Variants in MAP7D2 observed in about 807,000 individuals in gnomAD.
The protein encoded by MAP7D2 is MAP7 domain containing 2.
In MAP7D2, 33 loss-of-function variants were observed where a neutral mutation model predicts 63.5. The ratio of observed to expected loss-of-function variants is 0.52; its 90% confidence interval spans 0.39 to 0.70. The LOEUF is 0.70. Ranked by LOEUF, MAP7D2 falls within the 30% of genes least tolerant of loss-of-function variation. The pLI, the probability that MAP7D2 is intolerant of heterozygous loss-of-function variation, is 0.00. For synonymous variants in MAP7D2, 224 were observed against 223.7 expected, an observed-to-expected ratio of 1.00 and a Z score of -0.01; for missense variants, 626 against 604.0, an observed-to-expected ratio of 1.04 and a Z score of -0.38.
intron 1 of MAP7D2, among the ~76,000 whole-genome samples, chrX:20,096,840 C>T (rs1004135008): frequency 3.6e-5 from 4 of 112,268 alleles, no homozygotes; most frequent in Non-Finnish European, 5.6e-5. Flanking sequence ...TCCACACTTG[C>T]TATCTACTTC....
At chrX:20,008,973 G>T (rs1472464203) in intron 16 of MAP7D2, among the ~76,000 whole-genome samples, 1 of 111,908 alleles carries the variant, frequency 8.9e-6, no homozygotes, top group Admixed American at 9.5e-5. Flanking sequence ...TAATTTTAAA[G>T]TCAAAGTATG....
At chrX:20,087,921 C>T (rs1051435679) in intron 1 of MAP7D2, among the ~76,000 whole-genome samples, 9 of 81,311 alleles carry the variant, frequency 1.1e-4, no homozygotes, top group Non-Finnish European at 1.8e-4. Flanking sequence ...GACGGAGTCT[C>T]ACACTGTCAC....
At chrX:20,020,094 T>A (rs963817533) in intron 10 of MAP7D2, among the ~76,000 whole-genome samples, 3 of 112,030 alleles carry the variant, frequency 2.7e-5, no homozygotes, top group African/African-American at 9.7e-5. Flanking sequence ...CAGAGAAGAC[T>A]GAGGCCACCT....
intron 10 of MAP7D2, among the ~76,000 whole-genome samples, chrX:20,018,751 C>T (rs1220945660): frequency 9.0e-6 from 1 of 110,814 alleles, no homozygotes; most frequent in Non-Finnish European, 1.9e-5. Flanking sequence ...CCCCTTCATC[C>T]TCTTATATAC....
chrX:20,031,506 C>T (rs1180222114), intron 8 of MAP7D2, among the ~76,000 whole-genome samples: 1 of 110,060 alleles, frequency 9.1e-6, no homozygotes, highest in Non-Finnish European at 1.9e-5. Context: ...TGGCTCATGC[C>T]TGTACTCCCA....
chrX:20,091,052 CT>C (rs1280083347), intron 1 of MAP7D2, among the ~76,000 whole-genome samples: 130 of 91,904 alleles, frequency 1.4e-3, no homozygotes, highest in African/African-American at 1.7e-3. Flanking sequence ...GTGGAACACT[CT>C]TTTTTTTTTT....
At chrX:20,015,199 G>T (rs369296899) in intron 12 of MAP7D2, 24 bp downstream of exon 12, 11 of 1,118,656 alleles carry the variant, frequency 9.8e-6, no homozygotes, top group Admixed American at 6.6e-5. Context: ...CTTACCCTAG[G>T]TCTTCCTGAC....
intron 8 of MAP7D2, among the ~76,000 whole-genome samples, chrX:20,035,617 G>A (rs975286562): frequency 3.6e-5 from 4 of 111,295 alleles, no homozygotes; most frequent in African/African-American, 6.6e-5. Flanking sequence ...TTGGCCAGGC[G>A]TGGTTGCTCA....
intron 1 of MAP7D2, among the ~76,000 whole-genome samples, chrX:20,077,363 G>T (rs2065672233): frequency 9.0e-6 from 1 of 111,378 alleles, no homozygotes; most frequent in African/African-American, 3.3e-5. Flanking sequence ...TGAGGCACGA[G>T]AATTGCTTGA....
At position 20,116,306 on chromosome X, in the gene MAP7D2, C is replaced by T. The variant is rs981641175; in HGVS notation, c.130+444G>A. Among the ~76,000 whole-genome samples the T allele has an allele frequency of 1.8e-5, 2 of 113,196 alleles. 1 individual carries two copies. Among genetic ancestry groups the T allele is most frequent in the African/African-American group, 6.4e-5 (2 of 31,215 alleles). On this transcript the variant is annotated intron_variant, in intron 1 of 16. Coordinates refer to ENST00000379643, the MANE Select transcript of MAP7D2 (RefSeq NM_001168465.2). ...CGCCAAGAGGCGCGAAGCTGGGCCACCTTCGCCGCGGGCTGCAGCGGCGCT... is the reference window on the plus strand; with the variant it reads ...CGCCAAGAGGCGCGAAGCTGGGCCATCTTCGCCGCGGGCTGCAGCGGCGCT...
chrX:20,080,738 G>A (rs919549129), intron 1 of MAP7D2, among the ~76,000 whole-genome samples: 4 of 111,513 alleles, frequency 3.6e-5, no homozygotes. Context: ...CATGGAGATC[G>A]CGCCCACTCA....
chrX:20,025,556 A>T (rs2073809864), intron 9 of MAP7D2, 125 bp downstream of exon 9: 2 of 859,902 alleles, frequency 2.3e-6, no homozygotes, highest in East Asian at 6.2e-5. Flanking sequence ...AGAAAGCTGC[A>T]CGAGGGGATG....
chrX:20,022,778 G>C (rs2148170934), intron 10 of MAP7D2, among the ~76,000 whole-genome samples: 1 of 112,151 alleles, frequency 8.9e-6, no homozygotes, highest in South Asian at 3.7e-4. Flanking sequence ...GATGTATATG[G>C]GACACACTCA....
At chrX:20,087,841 A>G (rs1219519949) in intron 1 of MAP7D2, among the ~76,000 whole-genome samples, 2 of 99,042 alleles carry the variant, frequency 2.0e-5, no homozygotes, top group African/African-American at 7.4e-5. Flanking sequence ...GAAGGTCAAA[A>G]TTCTTTTAAC....
At chrX:20,112,215 T>C (rs1475739376) in intron 1 of MAP7D2, among the ~76,000 whole-genome samples, 1 of 111,896 alleles carries the variant, frequency 8.9e-6, no homozygotes, top group Non-Finnish European at 1.9e-5. Context: ...CAAGTCTTTT[T>C]AGGTGGTGAA....
intron 1 of MAP7D2, among the ~76,000 whole-genome samples, chrX:20,071,717 C>T (rs938116893): frequency 2.7e-5 from 3 of 112,568 alleles, no homozygotes; most frequent in African/African-American, 9.7e-5. Flanking sequence ...TGATCACCTG[C>T]CACATTCCTC....
intron 8 of MAP7D2, among the ~76,000 whole-genome samples, chrX:20,029,559 G>A (rs751601558): frequency 1.8e-5 from 2 of 111,903 alleles, no homozygotes; most frequent in Admixed American, 1.9e-4. Flanking sequence ...CACAGACTGC[G>A]AGGTTCCATT....
chrX:20,024,824 G>A, intron 10 of MAP7D2, 127 bp downstream of exon 10: 1 of 714,820 alleles, frequency 1.4e-6, no homozygotes, highest in Non-Finnish European at 2.1e-6. Flanking sequence ...ATGTAGTTCA[G>A]ACATTCTAGG....
chrX:20,104,864 G>A (rs910449651), intron 1 of MAP7D2, among the ~76,000 whole-genome samples: 1 of 111,772 alleles, frequency 8.9e-6, no homozygotes, highest in African/African-American at 3.3e-5. Context: ...AGCAACACCT[G>A]CTAAGAGGTG....
Sources: allele counts gnomAD v4.1 joint callset (sites outside exome capture counted in the v4.1 genomes callset), GRCh38; gene constraint gnomAD v4.1.1; transcripts MANE v1.5; gene names NCBI Gene and HGNC (gene_info 2026-07-23, HGNC 2026-07-21).